The following BICD1 variants were observed in gnomAD, a reference collection of about 807,000 sequenced individuals.
The protein encoded by BICD1 is BICD cargo adaptor 1, also known as protein bicaudal D homolog 1.
In BICD1, 35 loss-of-function variants were observed where a neutral mutation model predicts 92.5. The observed-to-expected ratio is 0.38, with a 90% CI of 0.29 to 0.50. BICD1 has a LOEUF of 0.50. BICD1 is among the 20% of genes least tolerant of loss of function. The pLI, the probability that BICD1 is intolerant of heterozygous loss-of-function variation, is 0.93. For synonymous variants in BICD1, 429 were observed against 465.1 expected, an observed-to-expected ratio of 0.92 and a Z score of 1.00; for missense variants, 950 against 1,189.8, an observed-to-expected ratio of 0.80 and a Z score of 2.97.
rs574792824 is a variant in BICD1, at chr12:32,183,563, C to A, written c.214-32684C>A. Among the ~76,000 whole-genome samples, 13 of 152,310 alleles carry A rather than the reference C, an allele frequency of 8.5e-5. No homozygotes were observed. The South Asian group carries it at 2.7e-3, about 32-fold the overall frequency. ...TATAGGCGTGAGCCACTGTTCCCAG[C>A]CTGCTAATAGCTTTTAAAAAGGAAT... On this transcript the variant is annotated intron_variant, in intron 1 of 9. Coordinates refer to ENST00000652176, the MANE Select transcript of BICD1 (RefSeq NM_001714.4).
At chr12:32,284,085 G>T (rs932997634) in intron 2 of BICD1, among the ~76,000 whole-genome samples, 1 of 152,216 alleles carries the variant, frequency 6.6e-6, no homozygotes, top group Admixed American at 6.5e-5. Context: ...CCTGTGGGGT[G>T]GGGGGCAAGG....
intron 2 of BICD1, among the ~76,000 whole-genome samples, chr12:32,245,892 T>C (rs1418291706): frequency 1.3e-5 from 2 of 151,094 alleles, no homozygotes; most frequent in East Asian, 3.9e-4. Flanking sequence ...TAGCCAGGTG[T>C]GGTGGCGCAC....
chr12:32,279,855 T>G (rs1012617180), intron 2 of BICD1, among the ~76,000 whole-genome samples: 2 of 152,178 alleles, frequency 1.3e-5, no homozygotes, highest in South Asian at 2.1e-4. Context: ...ATCCCAGCAC[T>G]TTGGGAGGCT....
chr12:32,367,707 C>T lies in BICD1; in HGVS notation c.2802C>T (p.Cys934=). The change falls in exon 9 of 10, where the codon TGC becomes TGT. Residue 934 remains cysteine, a synonymous_variant. Transcript: ENST00000652176. The stretch of plus-strand genomic sequence containing the variant: ...CTGCTGCCTCCGTACCGCCACAGTG[C>T]TCACAACTAGCCGGGAGGCAAGACT... ...QQPAASVPPQ[C]SQLAGRQDCP... is the part of the protein sequence containing the mutation. 1 of 1,614,184 alleles carries T rather than the reference C, an allele frequency of 6.2e-7. No homozygotes were observed. Among genetic ancestry groups the T allele is most frequent in the Non-Finnish European group, 8.5e-7 (1 of 1,180,036 alleles).
intron 2 of BICD1, among the ~76,000 whole-genome samples, chr12:32,241,116 T>C (rs542937523): frequency 6.6e-6 from 1 of 152,310 alleles, no homozygotes; most frequent in South Asian, 2.1e-4. Context: ...AGTTGGCAAA[T>C]GCTTTCGATG....
At chr12:32,235,702 C>CTTTTTTTTTTTTT (rs112596407) in intron 2 of BICD1, among the ~76,000 whole-genome samples, 1 of 135,066 alleles carries the variant, frequency 7.4e-6, no homozygotes, top group Non-Finnish European at 1.6e-5. Context: ...TTTTTCTTTT[C>CTTTTTTTTTTTTT]TTTTTTTTTT....
At chr12:32,119,818 C>G (rs1242384101) in intron 1 of BICD1, among the ~76,000 whole-genome samples, 1 of 152,202 alleles carries the variant, frequency 6.6e-6, no homozygotes, top group Non-Finnish European at 1.5e-5. Context: ...TTGCAGTGAG[C>G]TGAGATCGTG....
At chr12:32,294,300 G>A (rs1367289426) in intron 3 of BICD1, among the ~76,000 whole-genome samples, 154 bp downstream of exon 3, 1 of 151,978 alleles carries the variant, frequency 6.6e-6, no homozygotes, top group Non-Finnish European at 1.5e-5. Context: ...TCCTATTTCA[G>A]CTAAAATATA....
At chr12:32,346,583 CGTGT>C (rs1565687224) in intron 8 of BICD1, among the ~76,000 whole-genome samples, 1 of 26,120 alleles carries the variant, frequency 3.8e-5, no homozygotes, top group African/African-American at 7.9e-5. Flanking sequence ...TATATATATA[CGTGT>C]ATATATATAT....
At chr12:32,231,696 A>G (rs2931555) in intron 2 of BICD1, among the ~76,000 whole-genome samples, 63,984 of 147,992 alleles carry the variant, frequency 0.43, 14,394 homozygotes, top group Non-Finnish European at 0.49. Flanking sequence ...CCACTAACTC[A>G]TCATCTAGCA....
chr12:32,185,590 C>T (rs1565572762), intron 1 of BICD1, among the ~76,000 whole-genome samples: 1 of 152,184 alleles, frequency 6.6e-6, no homozygotes, highest in African/African-American at 2.4e-5. Flanking sequence ...AGCTTCAAAG[C>T]AGCACATGTC....
chr12:32,234,567 G>A (rs1420793880), intron 2 of BICD1, among the ~76,000 whole-genome samples: 1 of 145,820 alleles, frequency 6.9e-6, no homozygotes, highest in African/African-American at 2.6e-5. Context: ...CTGCGCTTTA[G>A]CCTGGGCAAC....
chr12:32,369,867 C>T (rs1360759238), intron 9 of BICD1, among the ~76,000 whole-genome samples: 6 of 152,016 alleles, frequency 3.9e-5, no homozygotes, highest in African/African-American at 1.5e-4. Context: ...GATTGCATCA[C>T]TGCACTCCAG....
chr12:32,254,327 C>T (rs1344301512), intron 2 of BICD1, among the ~76,000 whole-genome samples: 1 of 152,046 alleles, frequency 6.6e-6, no homozygotes, highest in African/African-American at 2.4e-5. Flanking sequence ...TGGCAGATCC[C>T]ACCTGCCATA....
At position 32,300,194 on chromosome 12, in the gene BICD1, C is replaced by T. The variant is rs555801991; in HGVS notation, c.580-5503C>T. Among the ~76,000 whole-genome samples the T allele has an allele frequency of 3.8e-4, 58 of 152,046 alleles. No individual in the cohort carries two copies. The South Asian group carries it at 9.8e-3, about 26-fold the overall frequency. ...TCAGCTCACTGCAAGCTCTGCCTCC[C>T]GGGTTCACGCCATTCTCCTGCCTCA... On this transcript the variant is annotated intron_variant, in intron 3 of 9. Coordinates refer to ENST00000652176, the MANE Select transcript of BICD1 (RefSeq NM_001714.4).
At chr12:32,371,855 T>C (rs1217185539) in intron 9 of BICD1, among the ~76,000 whole-genome samples, 1 of 152,186 alleles carries the variant, frequency 6.6e-6, no homozygotes, top group Non-Finnish European at 1.5e-5. Flanking sequence ...CCTAAAGTAC[T>C]GGGGTTACAA....
chr12:32,319,900 C>T (rs916841039), intron 4 of BICD1, among the ~76,000 whole-genome samples: 1 of 152,212 alleles, frequency 6.6e-6, no homozygotes, highest in Admixed American at 6.5e-5. Flanking sequence ...GGAAGGGCCC[C>T]TCTCCCTCCA....
intron 1 of BICD1, among the ~76,000 whole-genome samples, chr12:32,182,126 A>G (rs988511130): frequency 1.3e-5 from 2 of 151,914 alleles, no homozygotes; most frequent in African/African-American, 4.8e-5. Flanking sequence ...AAAACAGGAA[A>G]CTTCTCATTG....
rs368748631 is a variant in BICD1, at chr12:32,337,694, C to T, written c.2448C>T (p.Ile816=). 6.2e-7 allele frequency: 1 copy of T among 1,614,162 alleles called. No individual in the cohort carries two copies. Residue 816 remains isoleucine (I), a synonymous_variant, in exon 7 of 10, where the codon ATC becomes ATT. Coordinates refer to ENST00000652176, the MANE Select transcript of BICD1 (RefSeq NM_001714.4). The surrounding 1 kb of genome is among the most constrained non-coding windows in gnomAD (Gnocchi z 4.7). The part of the protein sequence containing the change: ...RSKGKLGKSK[I]GSPKVSGEAS... ...AAGGCAAACTTGGAAAGAGCAAGATCGGCAGCCCTAAAGTAAGTGGGGAGG... is the reference window on the plus strand; with the variant it reads ...AAGGCAAACTTGGAAAGAGCAAGATTGGCAGCCCTAAAGTAAGTGGGGAGG...
Sources: gnomAD v4.1 joint callset for allele counts (sites outside exome capture counted in the v4.1 genomes callset) on GRCh38, gnomAD v4.1.1 for gene constraint, Gnocchi (gnomAD v3.1) non-coding constraint, MANE v1.5 for transcripts, NCBI Gene and HGNC (gene_info 2026-07-23, HGNC 2026-07-21) for gene names.